Variants in POFUT3 observed in about 807,000 individuals in gnomAD.
The protein encoded by POFUT3 is GDP-fucose protein O-fucosyltransferase 3.
At chr8:33,369,148 C>T in the POFUT3 span, among the ~76,000 whole-genome samples, 1 of 152,202 alleles carries the variant, frequency 6.6e-6, no homozygotes, top group Non-Finnish European at 1.5e-5. Context: ...CTACAACAAG[C>T]ATCTATTGAG....
At chr8:33,352,435 T>C in the POFUT3 span, among the ~76,000 whole-genome samples, 5 of 152,212 alleles carry the variant, frequency 3.3e-5, no homozygotes, top group East Asian at 1.9e-4. Context: ...TAAATGAATA[T>C]GTCCACAGGC....
the POFUT3 span, among the ~76,000 whole-genome samples, chr8:33,408,405 G>C: frequency 6.6e-6 from 1 of 151,958 alleles, no homozygotes. Context: ...CAATTTGCCT[G>C]GGACCTGTCA....
chr8:33,410,129 T>C, the POFUT3 span, among the ~76,000 whole-genome samples: 1 of 152,084 alleles, frequency 6.6e-6, no homozygotes, highest in Non-Finnish European at 1.5e-5. Flanking sequence ...CTGGAGGTCT[T>C]ATTTACTTAT....
At chr8:33,471,763 A>G in the POFUT3 span, among the ~76,000 whole-genome samples, 22 of 152,320 alleles carry the variant, frequency 1.4e-4, no homozygotes, top group African/African-American at 5.1e-4. Flanking sequence ...ACAAGCAATA[A>G]CAACACAGTA....
At chr8:33,440,085 G>C in the POFUT3 span, among the ~76,000 whole-genome samples, 1 of 151,336 alleles carries the variant, frequency 6.6e-6, no homozygotes, top group Non-Finnish European at 1.5e-5. Context: ...AAATGCGACA[G>C]AACCTGATGG....
the POFUT3 span, among the ~76,000 whole-genome samples, chr8:33,398,822 A>G: frequency 6.6e-6 from 1 of 152,214 alleles, no homozygotes; most frequent in African/African-American, 2.4e-5. Flanking sequence ...TCTCTTGTAA[A>G]TTGAGTACAA....
At chr8:33,318,127 C>T in the POFUT3 span, among the ~76,000 whole-genome samples, 1 of 151,982 alleles carries the variant, frequency 6.6e-6, no homozygotes, top group Admixed American at 6.6e-5. Context: ...ATGCATTGGA[C>T]CAGCTTCTAC....
At chr8:33,370,806 A>G in the POFUT3 span, 1 of 152,232 alleles carries the variant, frequency 6.6e-6, no homozygotes, top group Non-Finnish European at 1.5e-5. Flanking sequence ...AGGGTTCAAA[A>G]AAACACAACT....
At chr8:33,441,133 C>T in the POFUT3 span, among the ~76,000 whole-genome samples, 2 of 151,916 alleles carry the variant, frequency 1.3e-5, no homozygotes, top group Non-Finnish European at 2.9e-5. Flanking sequence ...GAATTCGAGA[C>T]CAGCCTGGCC....
the POFUT3 span, among the ~76,000 whole-genome samples, chr8:33,416,113 C>T: frequency 6.6e-6 from 1 of 151,818 alleles, no homozygotes; most frequent in Non-Finnish European, 1.5e-5. Flanking sequence ...ATCAAAGAAA[C>T]AAAATTAAGA....
chr8:33,319,702 T>TTA, the POFUT3 span, among the ~76,000 whole-genome samples: 4 of 32,232 alleles, frequency 1.2e-4, 1 homozygote, highest in Non-Finnish European at 2.2e-4. Context: ...TATATATATT[T>TTA]TATATATATT....
At chr8:33,461,780 G>A in the POFUT3 span, 1 of 637,510 alleles carries the variant, frequency 1.6e-6, no homozygotes, top group Non-Finnish European at 2.4e-6. Context: ...ATATAGTCTT[G>A]CAGCAGGGTG....
the POFUT3 span, among the ~76,000 whole-genome samples, chr8:33,423,815 A>G: frequency 2.7e-5 from 3 of 109,100 alleles, no homozygotes; most frequent in Admixed American, 1.0e-4. Flanking sequence ...TAGGCACACC[A>G]AGTAAAAAAA....
At chr8:33,446,456 C>CAAA in the POFUT3 span, among the ~76,000 whole-genome samples, 8 of 138,458 alleles carry the variant, frequency 5.8e-5, no homozygotes, top group African/African-American at 2.1e-4. Flanking sequence ...GATCCTATTA[C>CAAA]AAAAAAAAAA....
At chr8:33,427,252 G>C in the POFUT3 span, among the ~76,000 whole-genome samples, 1 of 152,106 alleles carries the variant, frequency 6.6e-6, no homozygotes. Context: ...GAACAGCCTG[G>C]ACAACATAGG....
chr8:33,388,691 G>A, the POFUT3 span, among the ~76,000 whole-genome samples: 2 of 151,990 alleles, frequency 1.3e-5, no homozygotes, highest in Non-Finnish European at 2.9e-5. Flanking sequence ...AGTTTTCTGT[G>A]TCACTGCCCA....
At chr8:33,424,012 G>A in the POFUT3 span, among the ~76,000 whole-genome samples, 1 of 151,670 alleles carries the variant, frequency 6.6e-6, no homozygotes. Flanking sequence ...GGTGGTACAT[G>A]CCTGTAATCC....
the POFUT3 span, among the ~76,000 whole-genome samples, chr8:33,395,397 T>C: frequency 6.6e-6 from 1 of 152,004 alleles, no homozygotes; most frequent in African/African-American, 2.4e-5. Context: ...TCAGAGATTA[T>C]AGTCAGAGAG....
At chr8:33,453,510 C>T in the POFUT3 span, 1 of 1,590,922 alleles carries the variant, frequency 6.3e-7, no homozygotes. Context: ...TCAACCATGA[C>T]CTAAAAGAGA....
Sources: gnomAD v4.1 joint callset for allele counts (sites outside exome capture counted in the v4.1 genomes callset) on GRCh38, gnomAD v4.1.1 for gene constraint, MANE v1.5 for transcripts, NCBI Gene and HGNC (gene_info 2026-07-23, HGNC 2026-07-21) for gene names.